FBXO28: variants seen among roughly 807,000 people sequenced by gnomAD.
FBXO28 encodes the protein F-box only protein 28.
A neutral mutation model predicts 38.1 loss-of-function variants in FBXO28; 8 were observed. The observed-to-expected ratio is 0.21, with a 90% CI of 0.12 to 0.38. FBXO28 has a LOEUF of 0.38. FBXO28 is among the 10% of genes least tolerant of loss of function. FBXO28 has a pLI of 1.00. For missense variants in FBXO28, 345 were observed against 460.6 expected (o/e 0.75, Z 2.30); for synonymous variants, 168 against 173.8 (o/e 0.97, Z 0.26).
intron 1 of FBXO28, among the ~76,000 whole-genome samples, chr1:224,117,992 AATTAATTAATTT>A (rs1359395704): frequency 0.018 from 1,535 of 85,618 alleles, 33 homozygotes; most frequent in African/African-American, 0.046. Context: ...CTTTTTAATT[AATTAATTAATTT>A]ATTTATTTAT....
At position 224,117,996 on chromosome 1, in the gene FBXO28, AATTAATTTATTT is replaced by A. The variant is rs1488101540; in HGVS notation, c.267+3604_267+3615del. 7.5e-3 allele frequency among the ~76,000 whole-genome samples: 590 copies of A among 79,068 alleles called. 3 individuals carry two copies. Among genetic ancestry groups the A allele is most frequent in the African/African-American group, 0.021 (561 of 26,778 alleles). 51.9% of individuals were successfully genotyped at this position (79,068 alleles called of 152,430 possible). ...AGTATAGGGAGCTTTTTAATTAATT[AATTAATTTATTT>A]ATTTATTTATTTATTTATTTATTTT... On this transcript the variant is annotated intron_variant, in intron 1 of 4. Coordinates refer to ENST00000366862, the MANE Select transcript of FBXO28 (RefSeq NM_015176.4).
At chr1:224,134,378 T>C (rs1657127326) in intron 3 of FBXO28, 166 bp downstream of exon 3, 1 of 535,022 alleles carries the variant, frequency 1.9e-6, no homozygotes. Flanking sequence ...ATCATTTGTA[T>C]GATCTTTATA....
intron 1 of FBXO28, among the ~76,000 whole-genome samples, chr1:224,125,691 G>A (rs1199515552): frequency 6.6e-6 from 1 of 150,650 alleles, no homozygotes; most frequent in African/African-American, 2.4e-5. Flanking sequence ...ATCCAGGCTG[G>A]AGTGCATTGG....
chr1:224,114,360 C>T lies in FBXO28; in HGVS notation c.231C>T (p.Ser77=), dbSNP rs1301066944. ...LPIVAIENIL[S]FMSYDEISQL... The stretch of plus-strand genomic sequence containing the variant: ...TCGTAGCCATCGAGAACATCCTCAG[C>T]TTTATGTCCTACGACGAAATTAGCC... Residue 77 remains serine (S), a synonymous_variant, in exon 1 of 5, where the codon AGC becomes AGT. Coordinates refer to ENST00000366862, the MANE Select transcript of FBXO28 (RefSeq NM_015176.4). 6.3e-7 allele frequency: 1 copy of T among 1,597,740 alleles called. No individual in the cohort carries two copies. Among genetic ancestry groups the T allele is most frequent in the Non-Finnish European group, 8.5e-7 (1 of 1,171,790 alleles).
intron 3 of FBXO28, among the ~76,000 whole-genome samples, chr1:224,150,275 T>C (rs564244173): frequency 2.6e-5 from 4 of 152,024 alleles, no homozygotes; most frequent in East Asian, 3.9e-4. Flanking sequence ...AGTGAACCAA[T>C]ACCATGTCAT....
At chr1:224,147,214 A>G (rs533739436) in intron 3 of FBXO28, among the ~76,000 whole-genome samples, 1 of 151,772 alleles carries the variant, frequency 6.6e-6, no homozygotes, top group South Asian at 2.1e-4. Flanking sequence ...CACAAGGTCA[A>G]GAGTTCAAGA....
In FBXO28 at chr1:224,158,114, A is replaced by G; in HGVS notation, c.*368A>G. The G allele has an allele frequency of 1.0e-6, 1 of 999,696 alleles. No homozygotes were observed. The highest frequency in any genetic ancestry group is 1.2e-6 in the Non-Finnish European group (1 of 839,750). The allele number at this position is 999,696 out of a possible 1,614,324, so 61.9% of individuals were successfully genotyped here. A position where few individuals can be genotyped will look rare whatever the true frequency, so the allele number is the denominator to read the frequency against. On this transcript the variant is annotated 3_prime_UTR_variant, in exon 5 of 5. Coordinates refer to ENST00000366862, the MANE Select transcript of FBXO28 (RefSeq NM_015176.4). ...ACTAGAAGTTAAGTTTAATACAGAA[A>G]ATGTCCTGTTCACTTGAAAGAAAAG...
chr1:224,138,107 A>G (rs999814016), intron 3 of FBXO28, among the ~76,000 whole-genome samples: 1 of 151,730 alleles, frequency 6.6e-6, no homozygotes, highest in African/African-American at 2.4e-5. Context: ...AGGCACCTAT[A>G]GTCCCAGCTA....
rs548747306 is a variant in FBXO28, at chr1:224,132,121, C to T, written c.377+1540C>T. On this transcript the variant is annotated intron_variant, in intron 2 of 4. Coordinates refer to ENST00000366862, the MANE Select transcript of FBXO28 (RefSeq NM_015176.4). ...TACAAAAACTACCTGGGCATGGTGG[C>T]GGGTGCCTGTAATCCCAACTACTCA... Among the ~76,000 whole-genome samples, 9 of 152,030 alleles carry T rather than the reference C, an allele frequency of 5.9e-5. No homozygotes were observed. The East Asian group carries it at 1.7e-3, about 29-fold the overall frequency.
intron 1 of FBXO28, among the ~76,000 whole-genome samples, chr1:224,117,459 T>C (rs944950977): frequency 6.6e-6 from 1 of 151,868 alleles, no homozygotes; most frequent in Non-Finnish European, 1.5e-5. Context: ...TATTTTATTT[T>C]TTGGCCATTG....
chr1:224,136,818 C>T (rs1401155482), intron 3 of FBXO28, among the ~76,000 whole-genome samples: 1 of 151,464 alleles, frequency 6.6e-6, no homozygotes, highest in Non-Finnish European at 1.5e-5. Flanking sequence ...TTGGTGCAAT[C>T]TTGGCTCACC....
intron 1 of FBXO28, among the ~76,000 whole-genome samples, chr1:224,120,089 G>T (rs1656738265): frequency 6.6e-6 from 1 of 152,218 alleles, no homozygotes; most frequent in Non-Finnish European, 1.5e-5. Flanking sequence ...AAACTGAGTA[G>T]TATGAATTCT....
intron 4 of FBXO28, among the ~76,000 whole-genome samples, chr1:224,155,152 T>C (rs140579640): frequency 2.0e-3 from 307 of 152,194 alleles, no homozygotes; most frequent in African/African-American, 7.0e-3. Flanking sequence ...AGTGTCTGCC[T>C]GCTACTTTAT....
Position 224,158,146 on chromosome 1 carries a change from T to G in FBXO28, c.*400T>G. On this transcript the variant is annotated 3_prime_UTR_variant, in exon 5 of 5. Coordinates refer to ENST00000366862, the MANE Select transcript of FBXO28 (RefSeq NM_015176.4). Reference sequence around the variant, plus strand: ...TGTTCACTTGAAAGAAAAGACCTACTTTTTAAATGGACACTATCTTGGTTC... The same window carrying G: ...TGTTCACTTGAAAGAAAAGACCTACGTTTTAAATGGACACTATCTTGGTTC... 1.0e-5 allele frequency: 10 copies of G among 990,104 alleles called. No homozygotes were observed. Among genetic ancestry groups the G allele is most frequent in the Non-Finnish European group, 1.2e-5 (10 of 833,186 alleles). 61.3% of individuals were successfully genotyped at this position (990,104 alleles called of 1,614,324 possible). A position where few individuals can be genotyped will look rare whatever the true frequency, so the allele number is the denominator to read the frequency against.
intron 2 of FBXO28, among the ~76,000 whole-genome samples, chr1:224,133,631 C>A (rs144599881): frequency 6.6e-6 from 1 of 152,144 alleles, no homozygotes; most frequent in Non-Finnish European, 1.5e-5. Flanking sequence ...GAGTCTCCTG[C>A]CTCAGCCTCC....
chr1:224,127,826 G>C (rs1656940881), intron 1 of FBXO28, among the ~76,000 whole-genome samples: 2 of 152,170 alleles, frequency 1.3e-5, no homozygotes. Context: ...AGAATGGCTT[G>C]AACCTGGTAG....
At chr1:224,147,075 G>A (rs970149574) in intron 3 of FBXO28, among the ~76,000 whole-genome samples, 10 of 151,834 alleles carry the variant, frequency 6.6e-5, no homozygotes, top group African/African-American at 1.9e-4. Flanking sequence ...TCAACCAACC[G>A]TGGATAGAAA....
At chr1:224,131,279 A>G (rs1468888715) in intron 2 of FBXO28, among the ~76,000 whole-genome samples, 1 of 151,836 alleles carries the variant, frequency 6.6e-6, no homozygotes, top group Non-Finnish European at 1.5e-5. Context: ...CCTGTCAAAA[A>G]TTCAGCTGTC....
At chr1:224,149,963 G>A (rs1260238903) in intron 3 of FBXO28, among the ~76,000 whole-genome samples, 1 of 152,226 alleles carries the variant, frequency 6.6e-6, no homozygotes, top group African/African-American at 2.4e-5. Context: ...ACTTGATTTA[G>A]TTCAAAGGGC....
Sources: allele counts gnomAD v4.1 joint callset (sites outside exome capture counted in the v4.1 genomes callset), GRCh38; gene constraint gnomAD v4.1.1; transcripts MANE v1.5; gene names NCBI Gene and HGNC (gene_info 2026-07-23, HGNC 2026-07-21).